AFF3: variants seen among roughly 807,000 people sequenced by gnomAD.
AFF3 encodes the protein AF4/FMR2 family member 3.
AFF3 carries 32 observed loss-of-function variants against 129.7 expected under a neutral mutation model. The ratio of observed to expected loss-of-function variants is 0.25; its 90% CI spans 0.19 to 0.33. The LOEUF (loss-of-function observed/expected upper bound fraction) is 0.33. Ranked by LOEUF, AFF3 falls within the 10% of genes least tolerant of loss-of-function variation. The pLI, the probability that AFF3 is intolerant of heterozygous loss-of-function variation, is 1.00. For missense variants in AFF3, 1,373 were observed against 1,592.0 expected, an observed-to-expected ratio of 0.86 and a Z score of 2.34; for synonymous variants, 644 against 635.4, an observed-to-expected ratio of 1.01 and a Z score of -0.20.
intron 11 of AFF3, among the ~76,000 whole-genome samples, chr2:99,704,052 C>A (rs551650983): frequency 6.6e-6 from 1 of 152,304 alleles, no homozygotes; most frequent in South Asian, 2.1e-4. Context: ...ATCTCTGTAT[C>A]CCCTCCAGTT....
intron 7 of AFF3, among the ~76,000 whole-genome samples, chr2:99,842,422 A>G (rs1219720657): frequency 6.6e-6 from 1 of 152,116 alleles, no homozygotes; most frequent in Non-Finnish European, 1.5e-5. Flanking sequence ...AGGCTGCACA[A>G]TGCACATTTT....
At position 99,551,247 on chromosome 2, in the gene AFF3, G is replaced by C. The variant is rs1674384606; in HGVS notation, c.*227C>G. 1 of 591,862 alleles carries C rather than the reference G, an allele frequency of 1.7e-6. No homozygotes were observed. The highest frequency in any genetic ancestry group is 2.9e-6 in the Non-Finnish European group (1 of 340,810). The allele number at this position is 591,862 out of a possible 1,614,324, so 36.7% of individuals were successfully genotyped here. On this transcript the variant is annotated 3_prime_UTR_variant, in exon 25 of 25. Coordinates refer to ENST00000672756, the MANE Select transcript of AFF3 (RefSeq NM_001386135.1). ...CCTGGGATTATGGAAACTAGACAAA[G>C]AAGGTGTGTTCTGAAGAGCTGTGTA...
chr2:99,564,369 T>G (rs368554154), intron 20 of AFF3, among the ~76,000 whole-genome samples: 26 of 152,280 alleles, frequency 1.7e-4, no homozygotes, highest in African/African-American at 5.8e-4. Flanking sequence ...TAGGATCCGT[T>G]AGAGTAACTT....
At chr2:99,856,972 A>T (rs1690576715) in intron 7 of AFF3, among the ~76,000 whole-genome samples, 1 of 152,120 alleles carries the variant, frequency 6.6e-6, no homozygotes, top group South Asian at 2.1e-4. Flanking sequence ...TACTGTTAGA[A>T]ATGAATGAGT....
At chr2:99,708,725 G>T (rs1178515937) in intron 11 of AFF3, among the ~76,000 whole-genome samples, 1 of 152,064 alleles carries the variant, frequency 6.6e-6, no homozygotes, top group East Asian at 1.9e-4. Context: ...CATTTTGAAA[G>T]GGCAGATAAA....
chr2:99,837,132 C>CA (rs1443679229), intron 8 of AFF3, among the ~76,000 whole-genome samples: 1 of 152,038 alleles, frequency 6.6e-6, no homozygotes, highest in African/African-American at 2.4e-5. Context: ...CTGCCTGACT[C>CA]AAAAAAATGT....
At chr2:99,863,889 T>C (rs1426288496) in intron 7 of AFF3, among the ~76,000 whole-genome samples, 2 of 152,210 alleles carry the variant, frequency 1.3e-5, no homozygotes, top group African/African-American at 4.8e-5. Flanking sequence ...CTCTCCATGT[T>C]GGAAATGACA....
At chr2:99,795,317 A>G (rs954068601) in intron 8 of AFF3, among the ~76,000 whole-genome samples, 2 of 152,214 alleles carry the variant, frequency 1.3e-5, no homozygotes, top group Non-Finnish European at 2.9e-5. Flanking sequence ...AGTCTCACTT[A>G]TAAGTGGGAA....
chr2:99,633,994 C>A (rs1683379681), intron 13 of AFF3, among the ~76,000 whole-genome samples: 1 of 149,634 alleles, frequency 6.7e-6, no homozygotes, highest in Non-Finnish European at 1.5e-5. Context: ...AGCTCGCTGC[C>A]TCCTCCGCCT....
At chr2:100,026,716 A>AAATAT (rs1559069044) in intron 4 of AFF3, among the ~76,000 whole-genome samples, 1 of 145,862 alleles carries the variant, frequency 6.9e-6, no homozygotes, top group Non-Finnish European at 1.5e-5. Context: ...TATATATATA[A>AAATAT]ATATATATAT....
chr2:99,669,104 T>C (rs1196845891), intron 12 of AFF3, among the ~76,000 whole-genome samples: 3 of 152,112 alleles, frequency 2.0e-5, no homozygotes, highest in Non-Finnish European at 4.4e-5. Context: ...TTTTGGAAAA[T>C]GGTTTGAGAT....
chr2:100,060,708 C>T (rs1205273474), intron 4 of AFF3, among the ~76,000 whole-genome samples: 1 of 152,030 alleles, frequency 6.6e-6, no homozygotes, highest in Non-Finnish European at 1.5e-5. Flanking sequence ...CCCTGGATAC[C>T]CCTCACTTGG....
intron 4 of AFF3, among the ~76,000 whole-genome samples, chr2:100,044,620 A>G (rs1051184220): frequency 6.6e-6 from 1 of 152,184 alleles, no homozygotes; most frequent in African/African-American, 2.4e-5. Context: ...TTCGTGGGCT[A>G]GACAGATGCT....
At chr2:100,055,478 A>AG (rs1464520804) in intron 4 of AFF3, among the ~76,000 whole-genome samples, 1 of 148,508 alleles carries the variant, frequency 6.7e-6, no homozygotes, top group Non-Finnish European at 1.5e-5. Flanking sequence ...AAAAAAAAAA[A>AG]GAAAAGAAAA....
intron 7 of AFF3, among the ~76,000 whole-genome samples, chr2:99,957,068 C>T (rs1676719586): frequency 6.6e-6 from 1 of 152,186 alleles, no homozygotes; most frequent in Non-Finnish European, 1.5e-5. Context: ...CATTCTGTTG[C>T]CTGTGAAATC....
At chr2:100,117,406 C>A (rs1691773965) in intron 2 of AFF3, among the ~76,000 whole-genome samples, 1 of 152,172 alleles carries the variant, frequency 6.6e-6, no homozygotes, top group African/African-American at 2.4e-5. Context: ...AGCTTTATGT[C>A]ATCTCTTGTT....
intron 13 of AFF3, among the ~76,000 whole-genome samples, chr2:99,648,934 C>CTCTCTCTCTCTCTCTT (rs138353584): frequency 0.087 from 10,243 of 117,980 alleles, 869 homozygotes; most frequent in East Asian, 0.17. Context: ...CTCTCTCTCT[C>CTCTCTCTCTCTCTCTT]TCTCCAATCT....
intron 4 of AFF3, among the ~76,000 whole-genome samples, chr2:100,085,114 C>A (rs1689317058): frequency 6.7e-6 from 1 of 149,414 alleles, no homozygotes. Context: ...AGAAAAATAT[C>A]ACGCTTTGTC....
chr2:100,051,022 T>TA (rs1439276036), intron 4 of AFF3, among the ~76,000 whole-genome samples: 1 of 152,246 alleles, frequency 6.6e-6, no homozygotes, highest in African/African-American at 2.4e-5. Flanking sequence ...TCCTTGTGAC[T>TA]GACACAAAGC....
Sources: allele counts gnomAD v4.1 joint callset (sites outside exome capture counted in the v4.1 genomes callset), GRCh38; gene constraint gnomAD v4.1.1; transcripts MANE v1.5; gene names NCBI Gene and HGNC (gene_info 2026-07-23, HGNC 2026-07-21).